Variants in UGT2B4 observed in about 807,000 individuals in gnomAD.
The protein encoded by UGT2B4 is UDP glucuronosyltransferase family 2 member B4.
In UGT2B4, 49 loss-of-function variants were observed where a neutral mutation model predicts 49.8. The observed-to-expected ratio is 0.98, with a 90% confidence interval of 0.78 to 1.25. UGT2B4 has a LOEUF of 1.25. Ranked by LOEUF, UGT2B4 falls within the 50% of genes most tolerant of loss-of-function variation. The probability of loss-of-function intolerance (pLI) is 0.00; values close to 1 mark genes in which losing one functional copy is unlikely to be tolerated. For synonymous variants in UGT2B4, 246 were observed against 217.7 expected (o/e 1.13, Z -1.14); for missense variants, 729 against 627.7 (o/e 1.16, Z -1.73).
At chr4:69,503,360 C>G (rs114057313) in intron 1 of UGT2B4, among the ~76,000 whole-genome samples, 1,921 of 152,244 alleles carry the variant, frequency 0.013, 51 homozygotes, top group African/African-American at 0.044. Flanking sequence ...AGCCATGCAC[C>G]CAGTCTACAT....
Position 69,495,379 on chromosome 4 carries a change from G to C in UGT2B4, c.483C>G (p.Ala161=), listed in dbSNP as rs777267648. 6 of 1,613,722 alleles carry C rather than the reference G, an allele frequency of 3.7e-6. No individual in the cohort carries two copies. The African/African-American group carries it at 4.0e-5, about 11-fold the overall frequency. ...DAVFPFGELL[A]ELLKIPFVYS... is the part of the protein sequence containing the mutation. Reference sequence around the variant, plus strand: ...AGACAAAGGGTATTTTAAGTAACTCGGCCAGCAGCTCACCAAAGGGGAAAA... The same window carrying C: ...AGACAAAGGGTATTTTAAGTAACTCCGCCAGCAGCTCACCAAAGGGGAAAA... Residue 161 remains alanine (A), a synonymous_variant, in exon 1 of 6, where the codon GCC becomes GCG. Transcript: ENST00000305107.
rs1728122041 is a variant in UGT2B4, at chr4:69,495,362, G to A, written c.500C>T (p.Pro167Leu). Residue 167 changes from proline (P) to leucine (L), a missense_variant, in exon 1 of 6, where the codon CCC becomes CTC. By Grantham distance (98) the Pro-to-Leu change is moderately conservative. Coordinates refer to ENST00000305107, the MANE Select transcript of UGT2B4 (RefSeq NM_021139.3). ...GELLAELLKIPFVYSLRFSPG... is the reference protein window; with the variant it reads ...GELLAELLKILFVYSLRFSPG... ...AGAGAAGCGGAGGCTGTAGACAAAG[G>A]GTATTTTAAGTAACTCGGCCAGCAG... is the stretch of plus-strand genomic sequence containing the variant. 2 of 1,613,768 alleles carry A rather than the reference G, an allele frequency of 1.2e-6. No homozygotes were observed. The highest frequency in any genetic ancestry group is 1.3e-5 in the African/African-American group (1 of 74,998).
At chr4:69,485,872 C>T (rs1727766196) in intron 4 of UGT2B4, among the ~76,000 whole-genome samples, 1 of 152,118 alleles carries the variant, frequency 6.6e-6, no homozygotes, top group African/African-American at 2.4e-5. Flanking sequence ...GGCAGTTCTC[C>T]TACTCAGCCT....
chr4:69,503,491 T>G (rs1297838083), intron 1 of UGT2B4, among the ~76,000 whole-genome samples: 1 of 152,140 alleles, frequency 6.6e-6, no homozygotes. Context: ...AGGAGTGCAG[T>G]ACACCCTCCT....
chr4:69,498,070 G>A (rs957312433), upstream of UGT2B4, among the ~76,000 whole-genome samples: 1 of 152,204 alleles, frequency 6.6e-6, no homozygotes, highest in African/African-American at 2.4e-5. Flanking sequence ...GCAAAGAAGT[G>A]TTTTTAATTA....
intron 1 of UGT2B4, among the ~76,000 whole-genome samples, chr4:69,508,283 G>A (rs140363253): frequency 2.0e-5 from 3 of 152,186 alleles, no homozygotes; most frequent in Non-Finnish European, 4.4e-5. Context: ...CATCATGGAA[G>A]ACAGTGTGGT....
chr4:69,495,307 T>C lies in UGT2B4; in HGVS notation c.555A>G (p.Gly185=). The change falls in exon 1 of 6, where the codon GGA becomes GGG. Residue 185 remains glycine (G), a synonymous_variant. Transcript: ENST00000305107. ...SPGYAIEKHS[G]GLLFPPSYVP... ...CATAGGAAGGAGGGAACAGAAGTCC[T>C]CCACTATGCTTTTCAATTGCGTAGC... The C allele has an allele frequency of 2.5e-6, 4 of 1,612,706 alleles. No individual in the cohort carries two copies. Among genetic ancestry groups the C allele is most frequent in the Non-Finnish European group, 3.4e-6 (4 of 1,179,476 alleles).
At chr4:69,524,825 G>A (rs1483285686) in intron 1 of UGT2B4, among the ~76,000 whole-genome samples, 1 of 152,110 alleles carries the variant, frequency 6.6e-6, no homozygotes, top group East Asian at 1.9e-4. Context: ...GAAAACCAGA[G>A]AACATAATTA....
rs758034433 is a variant in UGT2B4 at position 69,485,265 on chromosome 4, T to G, written c.1253A>C (p.His418Pro). ...AKGAAVSLDF[H>P]TMSSTDLLNA... ...GAGTAAGTCTGTACTCGACATTGTG[T>G]GGAAGTCCAAACTAACAGCTGCTCC... is the stretch of plus-strand genomic sequence containing the variant. The change falls in exon 5 of 6, where the codon CAC becomes CCC. Residue 418 changes from histidine to proline, a missense_variant. His to Pro is a moderately conservative substitution (Grantham distance 77). Coordinates refer to ENST00000305107, the MANE Select transcript of UGT2B4 (RefSeq NM_021139.3). The G allele has an allele frequency of 1.9e-6, 3 of 1,614,024 alleles. No homozygotes were observed. The highest frequency in any genetic ancestry group is 1.1e-5 in the South Asian group (1 of 91,078).
At chr4:69,509,170 A>ATTTTTTTTTTTTTTTTTTTTT (rs3075675) in intron 1 of UGT2B4, among the ~76,000 whole-genome samples, 1 of 119,784 alleles carries the variant, frequency 8.3e-6, no homozygotes, top group Non-Finnish European at 1.6e-5. Context: ...TGGAATTTCT[A>ATTTTTTTTTTTTTTTTTTTTT]TTTTTTTTTT....
chr4:69,505,742 C>A (rs998346297), intron 1 of UGT2B4, among the ~76,000 whole-genome samples: 5 of 152,212 alleles, frequency 3.3e-5, no homozygotes, highest in Middle Eastern at 3.4e-3. Flanking sequence ...AACTCTCCAC[C>A]CCAAACAGAA....
At chr4:69,510,354 T>A (rs1212685972) in intron 1 of UGT2B4, among the ~76,000 whole-genome samples, 4 of 152,180 alleles carry the variant, frequency 2.6e-5, no homozygotes, top group African/African-American at 9.6e-5. Context: ...TAATGAGCAG[T>A]CATGGCTCAT....
intron 2 of UGT2B4, among the ~76,000 whole-genome samples, chr4:69,490,882 G>A (rs997116584): frequency 2.0e-5 from 3 of 152,160 alleles, no homozygotes; most frequent in Middle Eastern, 3.4e-3. Context: ...GTCCAGAGCC[G>A]CCTTCATCCA....
At chr4:69,492,996 A>G (rs1728035981) in intron 2 of UGT2B4, among the ~76,000 whole-genome samples, 1 of 152,088 alleles carries the variant, frequency 6.6e-6, no homozygotes, top group Admixed American at 6.6e-5. Context: ...TAGTCCCTAA[A>G]TGTGCTTAAT....
At chr4:69,495,990 A>G (rs564560810), upstream of UGT2B4, 21 of 1,412,208 alleles carry the variant, frequency 1.5e-5, no homozygotes, top group Admixed American at 2.9e-4. Context: ...ACATTATATT[A>G]ACAGTCTGAG....
At chr4:69,489,317 A>G in intron 3 of UGT2B4, 122 bp downstream of exon 3, 1 of 1,316,222 alleles carries the variant, frequency 7.6e-7, no homozygotes, top group Non-Finnish European at 1.0e-6. Flanking sequence ...TTAATATCTG[A>G]GATAATTAGT....
rs765058927 is a variant in UGT2B4 at position 69,485,398 on chromosome 4, G to A, written c.1120C>T (p.His374Tyr). Residue 374 changes from histidine (H) to tyrosine (Y), a missense_variant, in exon 5 of 6, where the codon CAT becomes TAT. Transcript: ENST00000305107. Reference protein sequence around the residue: ...GHPKTRAFITHGGANGIYEAI... With the variant: ...GHPKTRAFITYGGANGIYEAI... Reference sequence around the variant, plus strand: ...TCATAGATGCCATTGGCTCCACCATGAGTTATAAAAGCTCTGGTTTTTGGG... The same window carrying A: ...TCATAGATGCCATTGGCTCCACCATAAGTTATAAAAGCTCTGGTTTTTGGG... The A allele has an allele frequency of 1.9e-6, 3 of 1,613,850 alleles. No homozygotes were observed. The highest frequency in any genetic ancestry group is 2.2e-5 in the East Asian group (1 of 44,864).
chr4:69,482,099 C>G (rs1298277970), intron 5 of UGT2B4, among the ~76,000 whole-genome samples: 2 of 152,084 alleles, frequency 1.3e-5, no homozygotes, highest in Non-Finnish European at 2.9e-5. Flanking sequence ...AAGCTCCTGT[C>G]CTAGCATCTT....
intron 5 of UGT2B4, 98 bp from the exon 6 acceptor site, chr4:69,481,008 G>C: frequency 7.1e-7 from 1 of 1,414,122 alleles, no homozygotes; most frequent in Non-Finnish European, 9.6e-7. Flanking sequence ...CGAGGTCGAG[G>C]CGGGCGGATC....
Sources: allele counts gnomAD v4.1 joint callset (sites outside exome capture counted in the v4.1 genomes callset), GRCh38; gene constraint gnomAD v4.1.1; transcripts MANE v1.5; gene names NCBI Gene and HGNC (gene_info 2026-07-23, HGNC 2026-07-21).